WWOX: variants seen among roughly 807,000 people sequenced by gnomAD.
The protein encoded by WWOX is WW domain containing oxidoreductase.
Under a neutral mutation model 46.2 loss-of-function variants are expected in WWOX, and 69 were observed. The ratio of observed to expected loss-of-function variants is 1.49; its 90% CI spans 1.23 to 1.82. The LOEUF is 1.82. WWOX is among the 40% of genes most tolerant of loss of function. WWOX has a pLI of 0.00. For synonymous variants in WWOX, 359 were observed against 202.6 expected, an observed-to-expected ratio of 1.77 and a Z score of -6.56; for missense variants, 919 against 542.6, an observed-to-expected ratio of 1.69 and a Z score of -6.89.
intron 8 of WWOX, among the ~76,000 whole-genome samples, chr16:78,579,573 G>A (rs2044995562): frequency 6.6e-6 from 1 of 152,220 alleles, no homozygotes; most frequent in East Asian, 1.9e-4. Context: ...CTGCGGAAGT[G>A]GCTTTCTAAT....
At chr16:78,546,525 T>A (rs1186622646) in intron 8 of WWOX, among the ~76,000 whole-genome samples, 1 of 152,178 alleles carries the variant, frequency 6.6e-6, no homozygotes, top group African/African-American at 2.4e-5. Flanking sequence ...CAAGAAAAGA[T>A]TATTTACGAT....
chr16:78,418,538 G>C (rs959094612), intron 6 of WWOX, among the ~76,000 whole-genome samples: 2 of 152,034 alleles, frequency 1.3e-5, no homozygotes, highest in African/African-American at 2.4e-5. Flanking sequence ...CTTATAAATA[G>C]AGATGCAACA....
intron 8 of WWOX, among the ~76,000 whole-genome samples, chr16:78,524,283 T>A (rs1490680070): frequency 6.6e-6 from 1 of 152,216 alleles, no homozygotes; most frequent in Non-Finnish European, 1.5e-5. Context: ...TGATGAGCAA[T>A]ACTCTTTTTT....
Position 78,424,971 on chromosome 16 carries a change from A to G in WWOX, c.707A>G (p.His236Arg). Reference protein sequence around the residue: ...ETTFQVNHLGHFYLVQLLQDV... With the variant: ...ETTFQVNHLGRFYLVQLLQDV... ...ACCTTTCAAGTGAATCATCTGGGGC[A>G]CTTCTACCTTGTCCAGCTCCTCCAG... The change falls in exon 7 of 9, where the codon CAC (histidine) becomes CGC (arginine). Residue 236 changes from histidine to arginine, a missense_variant. Transcript: ENST00000566780. 6.2e-7 allele frequency: 1 copy of G among 1,614,098 alleles called. No homozygotes were observed. The highest frequency in any genetic ancestry group is 2.2e-5 in the East Asian group (1 of 44,864).
intron 8 of WWOX, among the ~76,000 whole-genome samples, chr16:79,089,162 C>T (rs866613794): frequency 6.6e-6 from 1 of 152,048 alleles, no homozygotes; most frequent in Non-Finnish European, 1.5e-5. Context: ...CTAGCTCTGC[C>T]GTTTTATAGC....
chr16:78,280,312 T>C (rs1035140410), intron 5 of WWOX, among the ~76,000 whole-genome samples: 1 of 152,244 alleles, frequency 6.6e-6, no homozygotes, highest in Non-Finnish European at 1.5e-5. Context: ...ATAGATATTA[T>C]ATATATTTCA....
intron 8 of WWOX, among the ~76,000 whole-genome samples, chr16:78,834,581 T>C (rs371875910): frequency 2.6e-5 from 4 of 152,144 alleles, no homozygotes; most frequent in African/African-American, 9.7e-5. Context: ...AGAATCCCCA[T>C]TGCCGATGAT....
intron 8 of WWOX, among the ~76,000 whole-genome samples, chr16:78,619,011 T>G (rs1051912425): frequency 2.0e-5 from 3 of 149,020 alleles, no homozygotes; most frequent in African/African-American, 7.4e-5. Flanking sequence ...CATTTAAGTG[T>G]TAGGCCAGGT....
At chr16:78,622,268 C>T (rs535936741) in intron 8 of WWOX, among the ~76,000 whole-genome samples, 7 of 151,984 alleles carry the variant, frequency 4.6e-5, no homozygotes, top group East Asian at 1.9e-4. Flanking sequence ...TGTGGCTGGT[C>T]GCAGTGGCTC....
chr16:79,096,173 C>G (rs566228671), intron 8 of WWOX, among the ~76,000 whole-genome samples: 3 of 151,868 alleles, frequency 2.0e-5, no homozygotes, highest in African/African-American at 4.8e-5. Context: ...TGACCACAGT[C>G]CTTTCTTTTA....
At chr16:78,643,768 C>G (rs533419376) in intron 8 of WWOX, among the ~76,000 whole-genome samples, 1 of 151,084 alleles carries the variant, frequency 6.6e-6, no homozygotes, top group East Asian at 2.0e-4. Flanking sequence ...AGAGTTTATT[C>G]ATATCACTCT....
chr16:78,548,342 GAAA>G (rs34099700), intron 8 of WWOX, among the ~76,000 whole-genome samples: 1,506 of 149,576 alleles, frequency 0.01, 36 homozygotes, highest in African/African-American at 0.035. Context: ...TGTTCCTAAA[GAAA>G]AAAAAAATCC....
intron 8 of WWOX, among the ~76,000 whole-genome samples, chr16:78,980,199 C>G (rs936981370): frequency 2.0e-5 from 3 of 152,206 alleles, no homozygotes; most frequent in Admixed American, 6.5e-5. Flanking sequence ...TGAATCATAC[C>G]TATCCTTCAC....
intron 8 of WWOX, among the ~76,000 whole-genome samples, chr16:79,067,815 G>C (rs1247448542): frequency 1.3e-5 from 2 of 152,150 alleles, no homozygotes; most frequent in Non-Finnish European, 2.9e-5. Context: ...TGAGTGTGCT[G>C]CTGACAGTGT....
intron 4 of WWOX, among the ~76,000 whole-genome samples, chr16:78,163,189 A>G (rs963622713): frequency 1.3e-5 from 2 of 152,180 alleles, no homozygotes; most frequent in Admixed American, 6.5e-5. Context: ...TGAAATAATC[A>G]TAGTGGTAAT....
chr16:79,005,673 T>C (rs1232549813), intron 8 of WWOX, among the ~76,000 whole-genome samples: 1 of 149,930 alleles, frequency 6.7e-6, no homozygotes, highest in Non-Finnish European at 1.5e-5. Context: ...AATGTTCTTC[T>C]TATAAGGACA....
At chr16:78,972,640 C>G (rs1369616964) in intron 8 of WWOX, among the ~76,000 whole-genome samples, 1 of 152,122 alleles carries the variant, frequency 6.6e-6, no homozygotes, top group Non-Finnish European at 1.5e-5. Flanking sequence ...ACATCCCACC[C>G]TCTGTTTCTG....
At chr16:78,967,272 C>T (rs1217223219) in intron 8 of WWOX, among the ~76,000 whole-genome samples, 1 of 147,492 alleles carries the variant, frequency 6.8e-6, no homozygotes, top group African/African-American at 2.5e-5. Flanking sequence ...GCAACTACTC[C>T]TGCCTGCCGA....
chr16:78,335,951 G>A (rs1174729214), intron 5 of WWOX, among the ~76,000 whole-genome samples: 2 of 152,034 alleles, frequency 1.3e-5, no homozygotes, highest in African/African-American at 2.4e-5. Context: ...AATTTGCCGG[G>A]TGTAGTGGTG....
Sources: gnomAD v4.1 joint callset for allele counts (sites outside exome capture counted in the v4.1 genomes callset) on GRCh38, gnomAD v4.1.1 for gene constraint, MANE v1.5 for transcripts, NCBI Gene and HGNC (gene_info 2026-07-23, HGNC 2026-07-21) for gene names.